Variants in NEK7 observed in about 807,000 individuals in gnomAD.
NEK7 encodes the protein NIMA related kinase 7.
Under a neutral mutation model 44.6 loss-of-function variants are expected in NEK7, and 18 were observed. The ratio of observed to expected loss-of-function variants is 0.40; its 90% CI spans 0.28 to 0.60. The LOEUF (loss-of-function observed/expected upper bound fraction) is 0.60, where lower values mean the gene tolerates loss of function less well. NEK7 is among the 20% of genes least tolerant of loss of function. The pLI is 0.38. For synonymous variants in NEK7, 130 were observed against 121.1 expected (o/e 1.07, Z -0.48); for missense variants, 256 against 366.5 (o/e 0.70, Z 2.46).
intron 2 of NEK7, among the ~76,000 whole-genome samples, chr1:198,233,082 G>C (rs1364573778): frequency 3.4e-5 from 5 of 145,722 alleles, no homozygotes; most frequent in African/African-American, 1.2e-4. Context: ...TAGGTTTAGG[G>C]AAGGAAGAGG....
At chr1:198,258,535 A>G (rs1231828664) in intron 3 of NEK7, among the ~76,000 whole-genome samples, 1 of 152,184 alleles carries the variant, frequency 6.6e-6, no homozygotes, top group East Asian at 1.9e-4. Flanking sequence ...AATTTGACAT[A>G]TGCCTTTTTA....
At position 198,243,301 on chromosome 1, in the gene NEK7, T is replaced by A. The variant is rs562433224; in HGVS notation, c.58-9739T>A. Among the ~76,000 whole-genome samples, 52 of 152,342 alleles carry A rather than the reference T, an allele frequency of 3.4e-4. No individual in the cohort carries two copies. The South Asian group carries it at 0.01, about 30-fold the overall frequency. On this transcript the variant is annotated intron_variant, in intron 2 of 9. Transcript: ENST00000367385. ...ATGCAGAATAAATATTAGATATTAT[T>A]ATGTATTTGTTTATTGCCTGTTTAG...
chr1:198,199,643 TG>T (rs1448208129), intron 1 of NEK7, among the ~76,000 whole-genome samples: 1 of 152,212 alleles, frequency 6.6e-6, no homozygotes, highest in Admixed American at 6.5e-5. Flanking sequence ...AATGTGGGAT[TG>T]TTACGTCTTG....
At chr1:198,191,317 G>A (rs1665065655) in intron 1 of NEK7, among the ~76,000 whole-genome samples, 2 of 151,972 alleles carry the variant, frequency 1.3e-5, no homozygotes, top group Middle Eastern at 3.4e-3. Context: ...CCATATCCTT[G>A]TTTTATTTTG....
In NEK7 at chr1:198,234,368, TAAAC is replaced by T. The variant is rs560246459; in HGVS notation, c.57+1737_57+1740del. ...TGATCATAAATTATCAAGATTATAA[TAAAC>T]AAACATATCTATTAAACATAGACCT... On this transcript the variant is annotated intron_variant, in intron 2 of 9. Coordinates refer to ENST00000367385, the MANE Select transcript of NEK7 (RefSeq NM_133494.3). Among the ~76,000 whole-genome samples the T allele has an allele frequency of 8.3e-4, 127 of 152,246 alleles. 1 individual carries two copies. The East Asian group carries it at 0.018, about 21-fold the overall frequency.
At chr1:198,172,821 C>T (rs1363736887) in intron 1 of NEK7, among the ~76,000 whole-genome samples, 5 of 152,142 alleles carry the variant, frequency 3.3e-5, no homozygotes, top group Admixed American at 2.0e-4. Context: ...AATTTAGAGT[C>T]CTATTTAAGC....
intron 6 of NEK7, among the ~76,000 whole-genome samples, 193 bp downstream of exon 6, chr1:198,278,262 G>A (rs1022240118): frequency 1.3e-5 from 2 of 150,064 alleles, no homozygotes; most frequent in Non-Finnish European, 3.0e-5. Flanking sequence ...TAATCTGCTT[G>A]ACTCTTTTGA....
chr1:198,238,194 C>T (rs957072788), intron 2 of NEK7, among the ~76,000 whole-genome samples: 1 of 152,152 alleles, frequency 6.6e-6, no homozygotes, highest in Non-Finnish European at 1.5e-5. Context: ...GAACACACTT[C>T]TCCCCCCCAG....
intron 1 of NEK7, among the ~76,000 whole-genome samples, chr1:198,192,016 G>C (rs144587826): frequency 2.6e-5 from 4 of 152,068 alleles, no homozygotes; most frequent in African/African-American, 9.6e-5. Context: ...CTCTATTTAG[G>C]AAAGGCCCTT....
intron 9 of NEK7, 54 bp downstream of exon 9, chr1:198,297,294 T>C: frequency 6.2e-7 from 1 of 1,601,452 alleles, no homozygotes; most frequent in East Asian, 2.2e-5. Context: ...CTAACATTTT[T>C]ATTTTACCAA....
In NEK7 at chr1:198,293,303, C is replaced by G. The variant is rs115587942; in HGVS notation, c.684+264C>G. On this transcript the variant is annotated intron_variant, in intron 8 of 9. Coordinates refer to ENST00000367385, the MANE Select transcript of NEK7 (RefSeq NM_133494.3). ...TTTTATGTTAATATAACGCCTTTCT[C>G]TATATCTTGCATTTGTAAAAATATA... 1.3e-5 allele frequency among the ~76,000 whole-genome samples: 2 copies of G among 151,936 alleles called. 1 individual carries two copies. Among genetic ancestry groups the G allele is most frequent in the Non-Finnish European group, 3.0e-5 (2 of 67,764 alleles).
At chr1:198,277,869 A>C (rs2102980304) in intron 5 of NEK7, 92 bp from the exon 6 acceptor site, 1 of 676,346 alleles carries the variant, frequency 1.5e-6, no homozygotes, top group East Asian at 2.7e-5. Flanking sequence ...AGATAAAATT[A>C]GCTGTTTTTC....
chr1:198,259,964 A>G (rs55731415), intron 3 of NEK7, among the ~76,000 whole-genome samples: 6,643 of 152,252 alleles, frequency 0.044, 230 homozygotes, highest in Middle Eastern at 0.065. Context: ...GTTGCGTGTT[A>G]ATTTTCTGTG....
At chr1:198,274,216 C>G (rs1653945277) in intron 5 of NEK7, among the ~76,000 whole-genome samples, 1 of 145,690 alleles carries the variant, frequency 6.9e-6, no homozygotes, top group African/African-American at 2.6e-5. Context: ...TTTCCTAATC[C>G]TCTTCAAAAA....
chr1:198,253,813 A>G (rs982121998), intron 3 of NEK7, among the ~76,000 whole-genome samples: 1 of 152,038 alleles, frequency 6.6e-6, no homozygotes, highest in African/African-American at 2.4e-5. Flanking sequence ...TTGCAGTCCA[A>G]CTGAGCTACC....
At chr1:198,193,460 G>A (rs1367681887) in intron 1 of NEK7, among the ~76,000 whole-genome samples, 6 of 152,038 alleles carry the variant, frequency 3.9e-5, no homozygotes, top group Non-Finnish European at 8.8e-5. Flanking sequence ...CTTATTTTAC[G>A]AGGCCAGCAT....
intron 2 of NEK7, among the ~76,000 whole-genome samples, chr1:198,252,632 TTTTATATATTAAAACATATATGTATG>T (rs1195733463): frequency 1.4e-5 from 2 of 138,656 alleles, no homozygotes; most frequent in Non-Finnish European, 3.1e-5. Flanking sequence ...TATATGTATG[TTTTATATATTAAAACATATATGTATG>T]TTTATATATT....
chr1:198,220,626 T>A (rs189215132), intron 1 of NEK7, among the ~76,000 whole-genome samples: 2 of 152,156 alleles, frequency 1.3e-5, no homozygotes, highest in Admixed American at 1.3e-4. Context: ...ACTGGATGAC[T>A]CAGTTAAATG....
intron 2 of NEK7, chr1:198,245,305 A>G (rs909016551): frequency 4.7e-5 from 8 of 169,286 alleles, no homozygotes; most frequent in East Asian, 1.9e-4. Flanking sequence ...TCAAGAGTCA[A>G]TTGTATAAAC....
Sources: gnomAD v4.1 joint callset for allele counts (sites outside exome capture counted in the v4.1 genomes callset) on GRCh38, gnomAD v4.1.1 for gene constraint, MANE v1.5 for transcripts, NCBI Gene and HGNC (gene_info 2026-07-23, HGNC 2026-07-21) for gene names.